The following SERPINB6 variants were observed in gnomAD, a reference collection of about 807,000 sequenced individuals.
SERPINB6 encodes the protein serpin B6.
Under a neutral mutation model 26.1 loss-of-function variants are expected in SERPINB6, and 16 were observed. That is an observed-to-expected ratio of 0.61 (90% CI 0.42 to 0.93). The LOEUF (loss-of-function observed/expected upper bound fraction) is 0.93. Among genes scored for constraint, SERPINB6 ranks in the 40% least tolerant of loss-of-function variants. The pLI, the probability that SERPINB6 is intolerant of heterozygous loss-of-function variation, is 0.00. For synonymous variants in SERPINB6, 174 were observed against 176.6 expected (o/e 0.99, Z 0.11); for missense variants, 420 against 478.0 (o/e 0.88, Z 1.13).
At chr6:2,969,093 G>A in intron 1 of SERPINB6, 1 of 1,084,678 alleles carries the variant, frequency 9.2e-7, no homozygotes, top group Non-Finnish European at 1.1e-6. Flanking sequence ...AGATTGGAGA[G>A]ATCCAAATCC....
At chr6:2,970,887 C>T (rs1382573730) in intron 1 of SERPINB6, 2 of 1,230,996 alleles carry the variant, frequency 1.6e-6, no homozygotes, top group African/African-American at 1.6e-5. Flanking sequence ...ACACGATCGT[C>T]TCCACAGGTC....
chr6:2,970,660 G>C (rs1772055934), intron 1 of SERPINB6: 2 of 1,206,134 alleles, frequency 1.7e-6, no homozygotes, highest in Admixed American at 5.1e-5. Flanking sequence ...GAGTATTCCT[G>C]ACAGCATGTG....
At chr6:2,951,342 C>T (rs1049457393) in intron 5 of SERPINB6, among the ~76,000 whole-genome samples, 42 of 149,532 alleles carry the variant, frequency 2.8e-4, no homozygotes, top group African/African-American at 1.0e-3. Flanking sequence ...TCCGAGATGG[C>T]ACCACTGCAC....
At chr6:2,957,753 G>A (rs1230914913) in intron 2 of SERPINB6, 1 of 152,520 alleles carries the variant, frequency 6.6e-6, no homozygotes, top group Non-Finnish European at 1.5e-5. Context: ...TCTACAGGTG[G>A]GAGGTAGGCT....
rs747479646 is a variant in SERPINB6, at chr6:2,949,010, T to C, written c.633A>G (p.Ile211Met). 1.9e-6 allele frequency: 3 copies of C among 1,614,222 alleles called. No homozygotes were observed. In the South Asian group the frequency reaches 3.3e-5, roughly 18 times the overall value. The stretch of plus-strand genomic sequence containing the variant: ...CCAAGATTTGGGTAAATATTTCTCC[T>C]ATATAGGTCTTCTTAAAAGTAGATT... ...FKQSTFKKTY[I>M]GEIFTQILVL... The change falls in exon 6 of 7, where the codon ATA (isoleucine) becomes ATG (methionine). Residue 211 changes from isoleucine to methionine, a missense_variant. By Grantham distance (10) the Ile-to-Met change is conservative. Transcript: ENST00000380539.
Position 2,959,087 on chromosome 6 carries a change from G to C in SERPINB6, c.165+81C>G, listed in dbSNP as rs1011947491. 3.3e-5 allele frequency: 52 copies of C among 1,568,234 alleles called. No individual in the cohort carries two copies. The East Asian group carries it at 1.1e-3, about 34-fold the overall frequency. On this transcript the variant is annotated intron_variant, in intron 2 of 6. Coordinates refer to ENST00000380539, the MANE Select transcript of SERPINB6 (RefSeq NM_004568.6). ...GCAATACTGCACAGTCATCCGTCTC[G>C]AGCGATCCCTTTGGGATTTGGAATA...
upstream of SERPINB6, chr6:2,971,587 C>T (rs2113381883): frequency 6.6e-6 from 1 of 152,342 alleles, no homozygotes; most frequent in African/African-American, 2.4e-5. Flanking sequence ...GGAGCCGCCC[C>T]GGACCTCAAA....
At chr6:2,966,813 C>T (rs1470140951) in intron 1 of SERPINB6, 2 of 316,512 alleles carry the variant, frequency 6.3e-6, no homozygotes, top group South Asian at 1.2e-4. Flanking sequence ...CACACCACCA[C>T]GCCCAGTTCA....
In SERPINB6 at chr6:2,955,342, C is replaced by A. The variant is rs149872411; in HGVS notation, c.312+182G>T. 42 of 682,276 alleles carry A rather than the reference C, an allele frequency of 6.2e-5. No individual in the cohort carries two copies. The African/African-American group carries it at 7.4e-4, about 12-fold the overall frequency. 42.3% of individuals were successfully genotyped at this position (682,276 alleles called of 1,614,324 possible). ...AGATGCTGACAAGACACTTCAAAAG[C>A]GTGAAGTAGATCCACCTTATTGAAA... On this transcript the variant is annotated intron_variant, in intron 3 of 6. Transcript: ENST00000380539.
intron 1 of SERPINB6, 130 bp from the exon 2 acceptor site, chr6:2,959,472 C>G: frequency 1.1e-6 from 1 of 906,812 alleles, no homozygotes; most frequent in Non-Finnish European, 1.8e-6. Context: ...AGAACTCTGG[C>G]TGTTTCTTTT....
At chr6:2,956,264 T>G (rs1220743113) in intron 2 of SERPINB6, 1 of 154,044 alleles carries the variant, frequency 6.5e-6, no homozygotes, top group Non-Finnish European at 1.4e-5. Flanking sequence ...AGGCCGCCCC[T>G]GACATCAGAA....
rs369149580 is a variant in SERPINB6, at chr6:2,966,463, G to A, written c.-11+5070C>T. 4.1e-6 allele frequency: 4 copies of A among 964,580 alleles called. No homozygotes were observed. The East Asian group carries it at 3.4e-4, about 83-fold the overall frequency. 59.8% of individuals were successfully genotyped at this position (964,580 alleles called of 1,614,324 possible). ...TGTTAGGAACTGGGCCACGCAGCAG[G>A]AGGTGAGCAGCAGGTGAGCGAACAT... On this transcript the variant is annotated intron_variant, in intron 1 of 6. Coordinates refer to ENST00000380539, the MANE Select transcript of SERPINB6 (RefSeq NM_004568.6).
At chr6:2,954,318 TA>T (rs1187709450) in intron 4 of SERPINB6, among the ~76,000 whole-genome samples, 5 of 151,966 alleles carry the variant, frequency 3.3e-5, no homozygotes, top group Admixed American at 1.3e-4. Flanking sequence ...TCCTCAAAAT[TA>T]AAACGTGGAT....
At chr6:2,958,409 G>A (rs1429979921) in intron 2 of SERPINB6, among the ~76,000 whole-genome samples, 1 of 152,168 alleles carries the variant, frequency 6.6e-6, no homozygotes, top group African/African-American at 2.4e-5. Context: ...GCGCGGAGAT[G>A]CCTCTGCCTT....
chr6:2,964,360 CTAA>C (rs1358447719), intron 1 of SERPINB6, among the ~76,000 whole-genome samples: 13 of 151,588 alleles, frequency 8.6e-5, no homozygotes, highest in East Asian at 7.8e-4. Flanking sequence ...ATAAATAGGG[CTAA>C]TAATAATAAA....
At chr6:2,955,457 C>T (rs1770344431) in intron 3 of SERPINB6, 67 bp downstream of exon 3, 3 of 1,595,828 alleles carry the variant, frequency 1.9e-6, no homozygotes, top group Non-Finnish European at 2.6e-6. Context: ...ACGCTTCCTG[C>T]TGGGCCCCAG....
chr6:2,969,143 C>T, intron 1 of SERPINB6: 1 of 1,006,680 alleles, frequency 9.9e-7, no homozygotes, highest in Non-Finnish European at 1.2e-6. Flanking sequence ...TAAAGTTTAC[C>T]ACTCAAGATA....
Position 2,966,324 on chromosome 6 carries a change from GT to G in SERPINB6, c.-11+5208del, listed in dbSNP as rs143603968. On this transcript the variant is annotated intron_variant, in intron 1 of 6. Transcript: ENST00000380539. ...AAACAATATATTTCAATTTGCTGAT[GT>G]TTTTTTTTCTTCTTGTTCTAATTGG... 1.8e-5 allele frequency: 17 copies of G among 948,280 alleles called. 1 individual carries two copies. Among genetic ancestry groups the G allele is most frequent in the Middle Eastern group, 8.3e-4 (2 of 2,416 alleles). The allele number at this position is 948,280 out of a possible 1,614,324, so 58.7% of individuals were successfully genotyped here.
At chr6:2,959,455 C>T (rs1243138180) in intron 1 of SERPINB6, 113 bp from the exon 2 acceptor site, 3 of 1,006,088 alleles carry the variant, frequency 3.0e-6, no homozygotes, top group African/African-American at 1.6e-5. Context: ...CAAGCAGAAA[C>T]ACACACAGAA....
Sources: allele counts gnomAD v4.1 joint callset (sites outside exome capture counted in the v4.1 genomes callset), GRCh38; gene constraint gnomAD v4.1.1; transcripts MANE v1.5; gene names NCBI Gene and HGNC (gene_info 2026-07-23, HGNC 2026-07-21).